The following MTA3 variants were observed in gnomAD, a reference collection of about 807,000 sequenced individuals.
The protein encoded by MTA3 is metastasis-associated protein MTA3.
In MTA3, 34 loss-of-function variants were observed where a neutral mutation model predicts 83.5. That is an observed-to-expected ratio of 0.41 (90% confidence interval 0.31 to 0.54). The LOEUF (loss-of-function observed/expected upper bound fraction) is 0.54. Ranked by LOEUF, MTA3 falls within the 20% of genes least tolerant of loss-of-function variation. The probability of loss-of-function intolerance (pLI) is 0.33; values close to 1 mark genes in which losing one functional copy is unlikely to be tolerated. For missense variants in MTA3, 761 were observed against 726.4 expected (o/e 1.05, Z -0.55); for synonymous variants, 303 against 252.7 (o/e 1.20, Z -1.89).
chr2:42,541,319 C>G (rs934114141), intron 2 of MTA3, among the ~76,000 whole-genome samples: 1 of 152,222 alleles, frequency 6.6e-6, no homozygotes, highest in African/African-American at 2.4e-5. Flanking sequence ...GCGTGAGCCA[C>G]TGCGCCCAGC....
At chr2:42,695,634 CA>C (rs70963347) in intron 9 of MTA3, 130 bp from the exon 10 acceptor site, 7,085 of 129,736 alleles carry the variant, frequency 0.055, no homozygotes, top group South Asian at 0.091. Context: ...CAGTCTATCT[CA>C]AAAAAAAAAA....
At chr2:42,666,292 A>G (rs1393731445) in intron 8 of MTA3, among the ~76,000 whole-genome samples, 1 of 152,110 alleles carries the variant, frequency 6.6e-6, no homozygotes, top group Non-Finnish European at 1.5e-5. Flanking sequence ...AACAAAACAA[A>G]ACAAAGCGTA....
intron 4 of MTA3, among the ~76,000 whole-genome samples, chr2:42,622,876 C>T (rs1159935292): frequency 2.6e-5 from 4 of 151,920 alleles, no homozygotes; most frequent in Non-Finnish European, 4.4e-5. Context: ...GGAGGACTTA[C>T]GTTGCTTATA....
chr2:42,664,989 C>T (rs1390523032), intron 8 of MTA3, among the ~76,000 whole-genome samples: 1 of 152,226 alleles, frequency 6.6e-6, no homozygotes, highest in Non-Finnish European at 1.5e-5. Context: ...GAATTTCAAA[C>T]ACTGCTAATC....
At chr2:42,682,006 A>G (rs1219647863) in intron 8 of MTA3, among the ~76,000 whole-genome samples, 1 of 152,132 alleles carries the variant, frequency 6.6e-6, no homozygotes, top group Non-Finnish European at 1.5e-5. Context: ...CAGGAGTTCG[A>G]GACCAGCCTG....
intron 9 of MTA3, among the ~76,000 whole-genome samples, chr2:42,687,217 C>A (rs1247349456): frequency 6.6e-6 from 1 of 152,222 alleles, no homozygotes. Context: ...GTCAACAATA[C>A]CCTAGCCCTA....
rs1670108490 is a variant in MTA3, at chr2:42,754,517, T to G, written c.*1118T>G. On this transcript the variant is annotated 3_prime_UTR_variant, in exon 17 of 17. Coordinates refer to ENST00000405094, the MANE Select transcript of MTA3 (RefSeq NM_001330442.2). ...GTGGCATCACAGTTGGCCACTCAGC[T>G]GTGCTGAGTAGCTGTGCTACTTGTG... 1.0e-6 allele frequency: 1 copy of G among 983,288 alleles called. No homozygotes were observed. The highest frequency in any genetic ancestry group is 1.1e-4 in the East Asian group (1 of 8,800). The allele number at this position is 983,288 out of a possible 1,614,324, so 60.9% of individuals were successfully genotyped here. A position where few individuals can be genotyped will look rare whatever the true frequency, so the allele number is the denominator to read the frequency against.
chr2:42,501,422 C>G (rs1052638979), intron 2 of MTA3, among the ~76,000 whole-genome samples: 1 of 152,082 alleles, frequency 6.6e-6, no homozygotes, highest in African/African-American at 2.4e-5. Context: ...TAATCCTTAC[C>G]TCAAAATGGC....
intron 4 of MTA3, among the ~76,000 whole-genome samples, chr2:42,623,801 C>A (rs1327198347): frequency 6.6e-6 from 1 of 151,280 alleles, no homozygotes; most frequent in African/African-American, 2.4e-5. Flanking sequence ...AGCCATTGTC[C>A]TGGCTCAGCC....
chr2:42,523,586 T>G (rs1675530019), intron 2 of MTA3, among the ~76,000 whole-genome samples: 1 of 152,174 alleles, frequency 6.6e-6, no homozygotes, highest in Admixed American at 6.6e-5. Flanking sequence ...GCGTTTGTTC[T>G]TTAAGCCACC....
chr2:42,508,761 AG>A (rs1340096672), intron 2 of MTA3, among the ~76,000 whole-genome samples: 1 of 147,122 alleles, frequency 6.8e-6, no homozygotes, highest in Middle Eastern at 3.6e-3. Flanking sequence ...TATATTATAT[AG>A]TATTATATAA....
At chr2:42,512,033 T>TAAATA (rs982288932) in intron 2 of MTA3, among the ~76,000 whole-genome samples, 1 of 150,794 alleles carries the variant, frequency 6.6e-6, no homozygotes, top group African/African-American at 2.4e-5. Flanking sequence ...AATAAATAAA[T>TAAATA]AAATAAAATA....
intron 2 of MTA3, among the ~76,000 whole-genome samples, chr2:42,505,869 A>G (rs925379281): frequency 1.3e-5 from 2 of 151,094 alleles, no homozygotes; most frequent in East Asian, 2.0e-4. Context: ...CCCAGGTTCA[A>G]GTGATTCTCC....
chr2:42,507,871 C>T (rs528229244), intron 2 of MTA3, among the ~76,000 whole-genome samples: 1 of 150,740 alleles, frequency 6.6e-6, no homozygotes, highest in South Asian at 2.1e-4. Context: ...GCAGAGATTG[C>T]AGTGACAGAG....
intron 16 of MTA3, chr2:42,723,425 T>C (rs747278832): frequency 4.3e-5 from 7 of 163,498 alleles, no homozygotes; most frequent in Non-Finnish European, 8.0e-5. Context: ...CAGTGTTCCA[T>C]GGGTCATTCT....
chr2:42,722,992 C>A lies in MTA3; in HGVS notation c.1716C>A (p.Ser572Arg), dbSNP rs757576736. Residue 572 changes from serine (S) to arginine (R), a missense_variant, in exon 16 of 17, where the codon AGC (serine) becomes AGA (arginine). Physicochemically the swap from Ser to Arg is moderately radical, Grantham distance 110. Coordinates refer to ENST00000405094, the MANE Select transcript of MTA3 (RefSeq NM_001330442.2). ...MLTTPNHTSL[S>R]ILGKRNYSHH... ...CAACTCCAAATCACACATCTCTGAG[C>A]ATTCTGGGGAAAAGAAACTACAGTC... 60 of 1,551,084 alleles carry A rather than the reference C, an allele frequency of 3.9e-5. 2 individuals carry two copies. In the South Asian group the frequency reaches 4.5e-4, roughly 12 times the overall value.
chr2:42,590,959 G>A (rs370076014), intron 3 of MTA3, among the ~76,000 whole-genome samples: 2 of 152,080 alleles, frequency 1.3e-5, no homozygotes, highest in African/African-American at 4.8e-5. Context: ...ACTGTGTACT[G>A]GTAGAGGATT....
At chr2:42,588,868 T>C (rs1680648406) in intron 3 of MTA3, among the ~76,000 whole-genome samples, 1 of 152,130 alleles carries the variant, frequency 6.6e-6, no homozygotes, top group Admixed American at 6.6e-5. Context: ...GAGATTTTTT[T>C]TGCAAGGAAC....
intron 8 of MTA3, among the ~76,000 whole-genome samples, chr2:42,675,666 A>G (rs892959056): frequency 2.0e-5 from 3 of 152,038 alleles, no homozygotes; most frequent in East Asian, 1.9e-4. Context: ...CATTTTTTCA[A>G]ACTTCTCTGG....
Sources: gnomAD v4.1 joint callset for allele counts (sites outside exome capture counted in the v4.1 genomes callset) on GRCh38, gnomAD v4.1.1 for gene constraint, MANE v1.5 for transcripts, NCBI Gene and HGNC (gene_info 2026-07-23, HGNC 2026-07-21) for gene names.